Variants in PDE12 observed in about 807,000 individuals in gnomAD.
The protein encoded by PDE12 is phosphodiesterase 12, also known as 2',5'-phosphodiesterase 12.
PDE12 carries 26 observed loss-of-function variants against 45.4 expected under a neutral mutation model. The ratio of observed to expected loss-of-function variants is 0.57; its 90% CI spans 0.42 to 0.79. The LOEUF (loss-of-function observed/expected upper bound fraction) is 0.79, where lower values mean the gene tolerates loss of function less well. Among genes scored for constraint, PDE12 ranks in the 30% least tolerant of loss-of-function variants. The pLI, the probability that PDE12 is intolerant of heterozygous loss-of-function variation, is 0.00. For synonymous variants in PDE12, 283 were observed against 323.9 expected (o/e 0.87, Z 1.36); for missense variants, 668 against 790.0 (o/e 0.85, Z 1.85).
the PDE12 span, among the ~76,000 whole-genome samples, chr3:57,579,253 C>CAAAAAAAAAAA: frequency 4.2e-5 from 2 of 47,606 alleles, no homozygotes; most frequent in Admixed American, 3.2e-4. Flanking sequence ...AACTACATCT[C>CAAAAAAAAAAA]AAAAAAAAAA....
the PDE12 span, among the ~76,000 whole-genome samples, chr3:57,587,312 T>A: frequency 4.7e-5 from 5 of 106,836 alleles, no homozygotes; most frequent in African/African-American, 1.9e-4. Context: ...AGAGCGGAAC[T>A]CAGTCTCAAA....
At chr3:57,597,378 T>G in the PDE12 span, 3 of 387,142 alleles carry the variant, frequency 7.7e-6, no homozygotes, top group Non-Finnish European at 9.5e-6. Context: ...CTTTAGGCTC[T>G]GGCTGTGCCA....
chr3:57,604,530 T>C, the PDE12 span, among the ~76,000 whole-genome samples: 1 of 150,726 alleles, frequency 6.6e-6, no homozygotes, highest in Admixed American at 6.7e-5. Context: ...AGGAGGCTCA[T>C]TGGAGCCTAG....
the PDE12 span, chr3:57,572,209 C>T: frequency 6.2e-7 from 1 of 1,611,454 alleles, no homozygotes; most frequent in South Asian, 1.1e-5. Context: ...TATCCAATTT[C>T]ATTTAACGTT....
chr3:57,568,858 C>CAAAA (rs10718820), downstream of PDE12, among the ~76,000 whole-genome samples: 1 of 119,170 alleles, frequency 8.4e-6, no homozygotes, highest in Non-Finnish European at 1.8e-5. Context: ...ATGTTATGGA[C>CAAAA]AAAAAAAAAA....
the PDE12 span, chr3:57,641,643 T>C: frequency 2.5e-6 from 4 of 1,604,438 alleles, no homozygotes; most frequent in African/African-American, 1.3e-5. Flanking sequence ...ACACCAAGTT[T>C]ATACTTTACC....
the PDE12 span, among the ~76,000 whole-genome samples, chr3:57,594,532 T>C: frequency 2.6e-5 from 4 of 152,254 alleles, no homozygotes; most frequent in Non-Finnish European, 5.9e-5. Flanking sequence ...TAATTACAGT[T>C]AACTACAAGC....
At chr3:57,596,185 TAA>T in the PDE12 span, among the ~76,000 whole-genome samples, 1 of 152,148 alleles carries the variant, frequency 6.6e-6, no homozygotes, top group Non-Finnish European at 1.5e-5. Flanking sequence ...AAGTAGTTTT[TAA>T]AAAGTCAACT....
At chr3:57,631,912 C>A in the PDE12 span, among the ~76,000 whole-genome samples, 1 of 149,560 alleles carries the variant, frequency 6.7e-6, no homozygotes, top group Non-Finnish European at 1.5e-5. Flanking sequence ...TTAGTAGAGA[C>A]GGGGTTTCAC....
chr3:57,655,826 A>G, the PDE12 span, among the ~76,000 whole-genome samples: 1 of 152,196 alleles, frequency 6.6e-6, no homozygotes, highest in Non-Finnish European at 1.5e-5. Flanking sequence ...CACAAAAGCT[A>G]AGATAATCAG....
the PDE12 span, among the ~76,000 whole-genome samples, chr3:57,629,604 C>T: frequency 1.3e-5 from 2 of 150,588 alleles, no homozygotes; most frequent in East Asian, 2.0e-4. Flanking sequence ...CTCCGCCTCC[C>T]GGGTTCACGC....
At chr3:57,643,193 A>G in the PDE12 span, among the ~76,000 whole-genome samples, 1 of 152,192 alleles carries the variant, frequency 6.6e-6, no homozygotes, top group Non-Finnish European at 1.5e-5. Context: ...AACTGACAGA[A>G]TTTGGTAAAA....
At chr3:57,594,911 CT>C in the PDE12 span, among the ~76,000 whole-genome samples, 1 of 152,160 alleles carries the variant, frequency 6.6e-6, no homozygotes, top group East Asian at 1.9e-4. Context: ...ACATATCTCC[CT>C]CGTACGTTGA....
At chr3:57,646,302 C>T in the PDE12 span, 2 of 1,596,210 alleles carry the variant, frequency 1.3e-6, no homozygotes, top group Non-Finnish European at 1.7e-6. Flanking sequence ...GAAATAGTAA[C>T]CAAATAGACT....
the PDE12 span, among the ~76,000 whole-genome samples, chr3:57,648,348 AGAC>A: frequency 2.0e-5 from 3 of 152,198 alleles, no homozygotes; most frequent in Admixed American, 1.3e-4. Flanking sequence ...AAAAAATCAC[AGAC>A]GACACAAACA....
chr3:57,603,169 A>G, the PDE12 span, among the ~76,000 whole-genome samples: 1 of 151,944 alleles, frequency 6.6e-6, no homozygotes, highest in Non-Finnish European at 1.5e-5. Flanking sequence ...TCCGTCTCAA[A>G]AAAAAAAAGG....
At chr3:57,636,273 T>A in the PDE12 span, among the ~76,000 whole-genome samples, 1 of 151,918 alleles carries the variant, frequency 6.6e-6, no homozygotes, top group East Asian at 1.9e-4. Context: ...AAGGAAAGAG[T>A]GAAAGAGATT....
At chr3:57,643,444 TAG>T in the PDE12 span, among the ~76,000 whole-genome samples, 1 of 152,290 alleles carries the variant, frequency 6.6e-6, no homozygotes, top group East Asian at 1.9e-4. Flanking sequence ...CCTGGTTATA[TAG>T]GTCTGGACCT....
rs759137159 is a variant in PDE12 at position 57,557,365 on chromosome 3, A to T, written c.986A>T (p.Asp329Val). 8 of 1,613,920 alleles carry T rather than the reference A, an allele frequency of 5.0e-6. No homozygotes were observed. The highest frequency in any genetic ancestry group is 6.8e-6 in the Non-Finnish European group (8 of 1,180,000). The change falls in exon 1 of 3, where the codon GAC (aspartate) becomes GTC (valine). Residue 329 changes from aspartate (D) to valine (V), a missense_variant. Asp to Val is a radical substitution (Grantham distance 152). Transcript: ENST00000311180. ...TGTGCCCCCTACGCCCTGGAGCTCG[A>T]CTACCGCCAGAACCTTATCCAGAAG... ...PYCAPYALEL[D>V]YRQNLIQKEL...
Sources: gnomAD v4.1 joint callset for allele counts (sites outside exome capture counted in the v4.1 genomes callset) on GRCh38, gnomAD v4.1.1 for gene constraint, MANE v1.5 for transcripts, NCBI Gene and HGNC (gene_info 2026-07-23, HGNC 2026-07-21) for gene names.